ANKS1B: variants seen among roughly 807,000 people sequenced by gnomAD.
ANKS1B encodes ankyrin repeat and sterile alpha motif domain containing 1B.
In ANKS1B, 36 loss-of-function variants were observed where a neutral mutation model predicts 148.3. The ratio of observed to expected loss-of-function variants is 0.24; its 90% CI spans 0.19 to 0.32. The LOEUF (loss-of-function observed/expected upper bound fraction) is 0.32, where lower values mean the gene tolerates loss of function less well. Among genes scored for constraint, ANKS1B ranks in the 10% least tolerant of loss-of-function variants. The probability of loss-of-function intolerance (pLI) is 1.00; values close to 1 mark genes in which losing one functional copy is unlikely to be tolerated. For synonymous variants in ANKS1B, 542 were observed against 560.8 expected, an observed-to-expected ratio of 0.97 and a Z score of 0.47; for missense variants, 1,157 against 1,542.6, an observed-to-expected ratio of 0.75 and a Z score of 4.19.
chr12:98,824,430 G>T (rs748476923), intron 19 of ANKS1B, among the ~76,000 whole-genome samples: 2 of 152,180 alleles, frequency 1.3e-5, no homozygotes, highest in African/African-American at 4.8e-5. Context: ...CCTACAATGA[G>T]CAGGGACCTT....
chr12:98,979,251 T>A (rs1339614580), intron 17 of ANKS1B, among the ~76,000 whole-genome samples: 1 of 151,554 alleles, frequency 6.6e-6, no homozygotes, highest in East Asian at 1.9e-4. Context: ...TTATGTGGTA[T>A]CATTTTCTAT....
At chr12:99,555,407 T>C (rs1374687111) in intron 9 of ANKS1B, among the ~76,000 whole-genome samples, 1 of 152,228 alleles carries the variant, frequency 6.6e-6, no homozygotes, top group Non-Finnish European at 1.5e-5. Flanking sequence ...TTACTTTTTC[T>C]CTTTTTATTT....
chr12:99,123,923 A>G (rs761047108), intron 15 of ANKS1B, among the ~76,000 whole-genome samples: 6 of 152,070 alleles, frequency 3.9e-5, no homozygotes, highest in Non-Finnish European at 7.4e-5. Flanking sequence ...CTTCAACCCA[A>G]TGAAGTTGAC....
chr12:99,001,090 G>A (rs1350954731), intron 17 of ANKS1B, among the ~76,000 whole-genome samples: 2 of 152,020 alleles, frequency 1.3e-5, no homozygotes, highest in African/African-American at 4.8e-5. Context: ...TAGTGCTGCA[G>A]TGAACAGTGG....
intron 1 of ANKS1B, among the ~76,000 whole-genome samples, chr12:99,865,250 C>T (rs1487166664): frequency 6.6e-6 from 1 of 152,200 alleles, no homozygotes; most frequent in Non-Finnish European, 1.5e-5. Context: ...AATATATTTA[C>T]ACTTTGCCAT....
At chr12:99,323,656 A>G (rs1292587720) in intron 12 of ANKS1B, among the ~76,000 whole-genome samples, 1 of 152,230 alleles carries the variant, frequency 6.6e-6, no homozygotes, top group Non-Finnish European at 1.5e-5. Context: ...TCATTTTGTC[A>G]GCCAGTGTTA....
intron 12 of ANKS1B, among the ~76,000 whole-genome samples, chr12:99,273,316 C>T (rs1481242161): frequency 6.6e-6 from 1 of 152,160 alleles, no homozygotes; most frequent in African/African-American, 2.4e-5. Context: ...GCTAGGGATG[C>T]TTCCACCAGA....
At chr12:98,813,691 A>T (rs2099116342) in intron 19 of ANKS1B, among the ~76,000 whole-genome samples, 1 of 148,294 alleles carries the variant, frequency 6.7e-6, no homozygotes, top group Admixed American at 6.8e-5. Flanking sequence ...TGTAGCTGGG[A>T]TCACAGGTGT....
chr12:99,934,505 G>A (rs1247268061), intron 1 of ANKS1B, among the ~76,000 whole-genome samples: 2 of 152,050 alleles, frequency 1.3e-5, no homozygotes, highest in Non-Finnish European at 2.9e-5. Context: ...GGTAGGGTAT[G>A]TGATTAGGAA....
At position 98,738,941 on chromosome 12, in the gene ANKS1B, TAGAA is replaced by T. The variant is rs1323134540; in HGVS notation, c.691-3311_691-3308del. Reference sequence around the variant, plus strand: ...ACCTCTGGAGACACACCAAGTCTTTTAGAAGGAAGGAAGGGAGCTACTATTTTTT... The same window carrying T: ...ACCTCTGGAGACACACCAAGTCTTTTGGAAGGAAGGGAGCTACTATTTTTT... On this transcript the variant is annotated intron_variant, in intron 9 of 9. Transcript: ENST00000341752. 3.9e-5 allele frequency among the ~76,000 whole-genome samples: 6 copies of T among 152,344 alleles called. No homozygotes were observed. The South Asian group carries it at 6.2e-4, about 16-fold the overall frequency.
intron 1 of ANKS1B, among the ~76,000 whole-genome samples, chr12:99,933,764 T>C (rs1260590262): frequency 6.6e-6 from 1 of 152,138 alleles, no homozygotes; most frequent in Non-Finnish European, 1.5e-5. Context: ...AGCTGGGACT[T>C]GCAGTACCAT....
At chr12:98,940,303 C>T (rs577083285) in intron 17 of ANKS1B, among the ~76,000 whole-genome samples, 2 of 152,252 alleles carry the variant, frequency 1.3e-5, no homozygotes, top group Non-Finnish European at 2.9e-5. Flanking sequence ...GGGAGCCTGA[C>T]CTTGGGTCAC....
intron 9 of ANKS1B, among the ~76,000 whole-genome samples, chr12:99,622,411 G>A (rs946971726): frequency 1.3e-5 from 2 of 151,682 alleles, no homozygotes; most frequent in Non-Finnish European, 2.9e-5. Flanking sequence ...TGAAATAAAA[G>A]TGAGACCCCA....
intron 12 of ANKS1B, among the ~76,000 whole-genome samples, chr12:99,327,281 AATT>A (rs2086579492): frequency 8.8e-6 from 1 of 113,800 alleles, no homozygotes; most frequent in Non-Finnish European, 1.6e-5. Flanking sequence ...AATTTATTAT[AATT>A]ATAACATATA....
chr12:99,286,297 C>G (rs979998016), intron 12 of ANKS1B, among the ~76,000 whole-genome samples: 5 of 151,880 alleles, frequency 3.3e-5, no homozygotes, highest in Non-Finnish European at 5.9e-5. Flanking sequence ...TAAATATATC[C>G]TGAGCCAGAA....
chr12:99,044,548 C>T (rs930652285), intron 17 of ANKS1B, among the ~76,000 whole-genome samples: 3 of 152,088 alleles, frequency 2.0e-5, no homozygotes, highest in Admixed American at 1.3e-4. Context: ...TGAGGGAGGA[C>T]AGCATCTGAG....
Position 99,782,062 on chromosome 12 carries a change from CA to C in ANKS1B, c.704del (p.Leu235CysfsTer12). ...CTCGTACAACATCCACCTTTCCAAA[CA>C]AAGCTGCTTCATGAAGTGCACTCCC... is the stretch of plus-strand genomic sequence containing the variant. ...EKGSALHEAA[L>X]FGKVDVVRVL... On this transcript the variant is annotated frameshift_variant, in exon 5 of 27. Coordinates refer to ENST00000683438, the MANE Select transcript of ANKS1B (RefSeq NM_001352186.2). LOFTEE classifies it high-confidence loss of function. 1 of 1,605,906 alleles carries C rather than the reference CA, an allele frequency of 6.2e-7. No individual in the cohort carries two copies. Among genetic ancestry groups the C allele is most frequent in the Non-Finnish European group, 8.5e-7 (1 of 1,176,538 alleles).
At chr12:99,259,339 A>AT (rs769756257) in intron 12 of ANKS1B, among the ~76,000 whole-genome samples, 1 of 152,202 alleles carries the variant, frequency 6.6e-6, no homozygotes, top group Non-Finnish European at 1.5e-5. Context: ...ATGTAATAAA[A>AT]TTCCCTCTTC....
At chr12:99,922,811 G>C (rs1408942266) in intron 1 of ANKS1B, among the ~76,000 whole-genome samples, 1 of 151,882 alleles carries the variant, frequency 6.6e-6, no homozygotes, top group Non-Finnish European at 1.5e-5. Context: ...GGTAGGAATG[G>C]GTTACTCATA....
Sources: allele counts gnomAD v4.1 joint callset (sites outside exome capture counted in the v4.1 genomes callset), GRCh38; gene constraint gnomAD v4.1.1; transcripts MANE v1.5; gene names NCBI Gene and HGNC (gene_info 2026-07-23, HGNC 2026-07-21).